The following PRMT2 variants were observed in gnomAD, a reference collection of about 807,000 sequenced individuals.
PRMT2 encodes protein arginine N-methyltransferase 2.
In PRMT2, 26 loss-of-function variants were observed where a neutral mutation model predicts 57.6. The ratio of observed to expected loss-of-function variants is 0.45; its 90% CI spans 0.33 to 0.63. The LOEUF is 0.63. PRMT2 is among the 20% of genes least tolerant of loss of function. The pLI, the probability that PRMT2 is intolerant of heterozygous loss-of-function variation, is 0.02. For missense variants in PRMT2, 472 were observed against 564.4 expected, an observed-to-expected ratio of 0.84 and a Z score of 1.66; for synonymous variants, 219 against 220.0, an observed-to-expected ratio of 1.00 and a Z score of 0.04.
At chr21:46,647,419 A>G (rs1317575742) in intron 5 of PRMT2, among the ~76,000 whole-genome samples, 1 of 152,100 alleles carries the variant, frequency 6.6e-6, no homozygotes, top group East Asian at 1.9e-4. Flanking sequence ...TTTCTTTGTG[A>G]AAAACCTTCC....
At chr21:46,664,245 A>G (rs1333218120) in intron 11 of PRMT2, 50 bp from the exon 12 acceptor site, 2 of 1,441,182 alleles carry the variant, frequency 1.4e-6, no homozygotes, top group Admixed American at 1.7e-5. Flanking sequence ...GTAGTATGTT[A>G]ATCAAATGAT....
At chr21:46,660,793 T>C (rs777714873) in intron 8 of PRMT2, 40 bp from the exon 9 acceptor site, 1 of 1,609,058 alleles carries the variant, frequency 6.2e-7, no homozygotes, top group Admixed American at 1.7e-5. Flanking sequence ...CTAAGATGTT[T>C]GCAATGACTC....
At chr21:46,643,782 A>C in intron 4 of PRMT2, 143 bp downstream of exon 4, 10 of 1,089,314 alleles carry the variant, frequency 9.2e-6, no homozygotes, top group African/African-American at 1.6e-5. Context: ...TGTGAAGCTC[A>C]CAGCCCAGCC....
rs967014971 is a variant in PRMT2, at chr21:46,644,461, A to G, written c.300A>G (p.Glu100=). The G allele has an allele frequency of 1.3e-6, 2 of 1,591,522 alleles. No homozygotes were observed. Among genetic ancestry groups the G allele is most frequent in the East Asian group, 2.3e-5 (1 of 44,272 alleles). The stretch of plus-strand genomic sequence containing the variant: ...ACCCCGAGGACACGTGGCAGGATGA[A>G]GAGTACTTCGGCAGCTATGGAACTC... ...EYDPEDTWQD[E]EYFGSYGTLK... is the part of the protein sequence containing the mutation. The change falls in exon 5 of 12, where the codon GAA becomes GAG. Residue 100 remains glutamate (E), a synonymous_variant. Transcript: ENST00000355680.
At chr21:46,659,617 G>A in intron 8 of PRMT2, 2 of 984,734 alleles carry the variant, frequency 2.0e-6, no homozygotes, top group Non-Finnish European at 2.4e-6. Flanking sequence ...TTCCCTACCA[G>A]ACAAGCAAAG....
chr21:46,653,931 T>C, intron 7 of PRMT2: 1 of 1,014,996 alleles, frequency 9.9e-7, no homozygotes. Flanking sequence ...CTTTTTTCTT[T>C]TCTTGTTTTT....
Position 46,655,697 on chromosome 21 carries a change from T to C in PRMT2, c.655-3048T>C, listed in dbSNP as rs1327047945. 2.0e-5 allele frequency among the ~76,000 whole-genome samples: 3 copies of C among 152,062 alleles called. No individual in the cohort carries two copies. The East Asian group carries it at 5.8e-4, about 29-fold the overall frequency. The stretch of plus-strand genomic sequence containing the variant: ...ATTTTTATATCTTAGCAATGTACAA[T>C]TAGAAATTAAAGAATATCACAGTAG... On this transcript the variant is annotated intron_variant, in intron 7 of 11. Transcript: ENST00000355680.
At chr21:46,653,592 A>G in intron 7 of PRMT2, 1 of 1,120,346 alleles carries the variant, frequency 8.9e-7, no homozygotes, top group Non-Finnish European at 1.1e-6. Flanking sequence ...GGCCTAAGGG[A>G]GGACTTCTGG....
At chr21:46,659,791 G>A in intron 8 of PRMT2, 1 of 985,456 alleles carries the variant, frequency 1.0e-6, no homozygotes, top group African/African-American at 1.7e-5. Context: ...AGAGGAACGT[G>A]ATTGAATTGC....
rs145518509 is a variant in PRMT2 at position 46,648,247 on chromosome 21, G to A, written c.328-211G>A. 1,463 of 510,528 alleles carry A rather than the reference G, an allele frequency of 2.9e-3. 3 individuals carry two copies. Among genetic ancestry groups the A allele is most frequent in the South Asian group, 4.0e-3 (124 of 31,264 alleles). 31.6% of individuals were successfully genotyped at this position (510,528 alleles called of 1,614,324 possible). On this transcript the variant is annotated intron_variant, in intron 5 of 11. Transcript: ENST00000355680. The surrounding 1 kb of genome is among the most constrained non-coding windows in gnomAD (Gnocchi z 4.8). The stretch of plus-strand genomic sequence containing the variant: ...AAATTTGTTCCTAGGTATTTTTTGT[G>A]TATTATTACTGTTATAAGGGGGTGG...
chr21:46,649,442 C>A lies in PRMT2; in HGVS notation c.490-133C>A. 1.4e-6 allele frequency: 2 copies of A among 1,434,928 alleles called. No homozygotes were observed. Among genetic ancestry groups the A allele is most frequent in the Non-Finnish European group, 1.9e-6 (2 of 1,030,156 alleles). The allele number at this position is 1,434,928 out of a possible 1,614,324, so 88.9% of individuals were successfully genotyped here. On this transcript the variant is annotated intron_variant, in intron 6 of 11. Coordinates refer to ENST00000355680, the MANE Select transcript of PRMT2 (RefSeq NM_206962.4). This position sits in a 1 kb window ranked among gnomAD's most constrained non-coding sequence, Gnocchi z 4.8. ...GGGCAGGTGTGGCCAGTCCTCGCTG[C>A]CTCTGCTGTCTGGAATGCTGCTTCC... is the stretch of plus-strand genomic sequence containing the variant.
rs112969552 is a variant in PRMT2 at position 46,653,425 on chromosome 21, C to A, written c.654+3686C>A. 4.4e-5 allele frequency: 44 copies of A among 991,760 alleles called. 2 individuals carry two copies. In the African/African-American group the frequency reaches 6.1e-4, roughly 14 times the overall value. The allele number at this position is 991,760 out of a possible 1,614,324, so 61.4% of individuals were successfully genotyped here. ...TGGTGTAGATGATGGGACAGCTCCC[C>A]CTCAGCAAGACTCTGGCCTAAATGT... On this transcript the variant is annotated intron_variant, in intron 7 of 11. Transcript: ENST00000355680.
chr21:46,638,283 C>T (rs1303964736), intron 3 of PRMT2, among the ~76,000 whole-genome samples: 1 of 152,122 alleles, frequency 6.6e-6, no homozygotes, highest in Admixed American at 6.5e-5. Context: ...CTGTAGGGTA[C>T]TCCTGTAGTG....
In PRMT2 at chr21:46,648,375, G is replaced by A; in HGVS notation, c.328-83G>A. 1 of 1,472,388 alleles carries A rather than the reference G, an allele frequency of 6.8e-7. No homozygotes were observed. Among genetic ancestry groups the A allele is most frequent in the Non-Finnish European group, 9.3e-7 (1 of 1,070,250 alleles). The allele number at this position is 1,472,388 out of a possible 1,614,324, so 91.2% of individuals were successfully genotyped here. A position where few individuals can be genotyped will look rare whatever the true frequency, so the allele number is the denominator to read the frequency against. ...GTGTTGGGGTCAGGGGTCATCAGCT[G>A]TGGCTCTGACCCTCCATCTCAGTCC... is the stretch of plus-strand genomic sequence containing the variant. On this transcript the variant is annotated intron_variant, in intron 5 of 11. Coordinates refer to ENST00000355680, the MANE Select transcript of PRMT2 (RefSeq NM_206962.4). The surrounding 1 kb of genome is among the most constrained non-coding windows in gnomAD (Gnocchi z 4.8).
chr21:46,653,576 G>T, intron 7 of PRMT2: 1 of 1,056,230 alleles, frequency 9.5e-7, no homozygotes, highest in Non-Finnish European at 1.1e-6. Flanking sequence ...GCTTCCCAGT[G>T]GGACAGGCCT....
intron 3 of PRMT2, among the ~76,000 whole-genome samples, chr21:46,640,296 T>G (rs1179159368): frequency 1.3e-5 from 2 of 152,222 alleles, no homozygotes; most frequent in African/African-American, 2.4e-5. Context: ...CCCCACATAT[T>G]ATTTGCCTTT....
rs374352696 is a variant in PRMT2 at position 46,661,859 on chromosome 21, G to T, written c.1020G>T (p.Thr340=). The T allele has an allele frequency of 6.6e-7, 1 of 1,516,206 alleles. No homozygotes were observed. Among genetic ancestry groups the T allele is most frequent in the Non-Finnish European group, 8.9e-7 (1 of 1,126,450 alleles). 93.9% of individuals were successfully genotyped at this position (1,516,206 alleles called of 1,614,324 possible). Residue 340 remains threonine (T), a synonymous_variant, in exon 10 of 12, where the codon ACG becomes ACT. Transcript: ENST00000355680. ...AGGCGGGGACCCTGCACGGCTTCACGGCCTGGTTTAGCGTCCACTTCCAGA... is the reference window on the plus strand; with the variant it reads ...AGGCGGGGACCCTGCACGGCTTCACTGCCTGGTTTAGCGTCCACTTCCAGA... ...IRKAGTLHGF[T]AWFSVHFQSL... is the part of the protein sequence containing the mutation.
intron 4 of PRMT2, 129 bp from the exon 5 acceptor site, chr21:46,644,177 T>C (rs2061326436): frequency 1.1e-6 from 1 of 878,284 alleles, no homozygotes; most frequent in Admixed American, 2.9e-5. Context: ...TCTCAGTTGC[T>C]GTCATTACCC....
intron 3 of PRMT2, among the ~76,000 whole-genome samples, chr21:46,638,144 G>A (rs2061207922): frequency 6.6e-6 from 1 of 152,270 alleles, no homozygotes; most frequent in East Asian, 1.9e-4. Context: ...GATATTGTTT[G>A]TGTGGGCTTT....
Sources: allele counts gnomAD v4.1 joint callset (sites outside exome capture counted in the v4.1 genomes callset), GRCh38; gene constraint gnomAD v4.1.1; non-coding constraint Gnocchi (gnomAD v3.1); transcripts MANE v1.5; gene names NCBI Gene and HGNC (gene_info 2026-07-23, HGNC 2026-07-21).